Variants in PIAS3 observed in about 807,000 individuals in gnomAD.
PIAS3 encodes E3 SUMO-protein ligase PIAS3.
A neutral mutation model predicts 67.6 loss-of-function variants in PIAS3; 34 were observed. The observed-to-expected ratio is 0.50, with a 90% CI of 0.38 to 0.67. The LOEUF (loss-of-function observed/expected upper bound fraction) is 0.67. Among genes scored for constraint, PIAS3 ranks in the 30% least tolerant of loss-of-function variants. PIAS3 has a pLI of 0.00. For synonymous variants in PIAS3, 341 were observed against 313.8 expected (o/e 1.09, Z -0.92); for missense variants, 693 against 791.6 (o/e 0.88, Z 1.49).
chr1:145,858,619 C>G (rs1653288631), intron 1 of PIAS3, among the ~76,000 whole-genome samples: 1 of 150,818 alleles, frequency 6.6e-6, no homozygotes, highest in Non-Finnish European at 1.5e-5. Context: ...TGGCCTTGAT[C>G]GACTCGCCCC....
chr1:145,850,692 G>T (rs2101677963), intron 11 of PIAS3, 79 bp downstream of exon 11: 1 of 1,596,022 alleles, frequency 6.3e-7, no homozygotes, highest in South Asian at 1.1e-5. Flanking sequence ...CTTGCCCCAG[G>T]CTTTGTCCAA....
Position 145,849,332 on chromosome 1 carries a change from G to T in PIAS3, c.*114C>A. ...AGGCCAAAAGTAGGCATCTGTGAAG[G>T]TCTGTCTGGCCCTTGGCCAGAGCCC... is the stretch of plus-strand genomic sequence containing the variant. On this transcript the variant is annotated 3_prime_UTR_variant, in exon 14 of 14. Coordinates refer to ENST00000393045, the MANE Select transcript of PIAS3 (RefSeq NM_006099.3). 1 of 1,116,604 alleles carries T rather than the reference G, an allele frequency of 9.0e-7. No homozygotes were observed. The allele number at this position is 1,116,604 out of a possible 1,614,324, so 69.2% of individuals were successfully genotyped here.
chr1:145,851,423 A>G, intron 9 of PIAS3: 1 of 354,098 alleles, frequency 2.8e-6, no homozygotes, highest in Non-Finnish European at 5.2e-6. Context: ...TGGGAGGTAC[A>G]GGCAGGTGAA....
chr1:145,856,121 G>T lies in PIAS3; in HGVS notation c.528-3C>A. 6.2e-7 allele frequency: 1 copy of T among 1,613,082 alleles called. No individual in the cohort carries two copies. The highest frequency in any genetic ancestry group is 8.5e-7 in the Non-Finnish European group (1 of 1,179,040). On this transcript the variant is annotated splice_polypyrimidine_tract_variant and splice_region_variant and intron_variant, in intron 3 of 13. Transcript: ENST00000393045. The stretch of plus-strand genomic sequence containing the variant: ...ATTTGGCTCCTGGCAGAACCTCTCT[G>T]TAACAGGGAGGGAGATGAAGAGATG...
rs185601681 is a variant in PIAS3, at chr1:145,850,233, T to C, written c.1619A>G (p.Gln540Arg). ...CCTTCTGAAGAAAGAACCACTTACCTGACTCTCTGTCTGAAGAAATGAAAA... is the reference window on the plus strand; with the variant it reads ...CCTTCTGAAGAAAGAACCACTTACCCGACTCTCTGTCTGAAGAAATGAAAA... ...DLFSFLQTES[Q>R]HYGPSVITSL... The change falls in exon 13 of 14, where the codon CAG becomes CGG. Residue 540 changes from glutamine to arginine, a missense_variant and splice_region_variant. Gln to Arg is a conservative substitution (Grantham distance 43). Coordinates refer to ENST00000393045, the MANE Select transcript of PIAS3 (RefSeq NM_006099.3). 7 of 1,614,202 alleles carry C rather than the reference T, an allele frequency of 4.3e-6. No individual in the cohort carries two copies. The South Asian group carries it at 7.7e-5, about 18-fold the overall frequency.
At chr1:145,857,936 G>A (rs1294656325) in intron 1 of PIAS3, among the ~76,000 whole-genome samples, 2 of 152,154 alleles carry the variant, frequency 1.3e-5, no homozygotes, top group African/African-American at 2.4e-5. Context: ...GCACAGAATC[G>A]CAAATCCCCT....
At chr1:145,852,541 G>GTT (rs1183731941) in intron 9 of PIAS3, among the ~76,000 whole-genome samples, 1 of 144,874 alleles carries the variant, frequency 6.9e-6, no homozygotes. Context: ...ATCTCATAGG[G>GTT]TTTTTTTTTT....
At chr1:145,850,741 T>A in intron 11 of PIAS3, 30 bp downstream of exon 11, 1 of 1,612,178 alleles carries the variant, frequency 6.2e-7, no homozygotes, top group Non-Finnish European at 8.5e-7. Flanking sequence ...CCTGTCCGTT[T>A]TGCTGTAGAC....
rs782357530 is a variant in PIAS3 at position 145,855,758 on chromosome 1, T to C, written c.647A>G (p.Asn216Ser). ...TACCGGCAGGGGGCACAGTTTCCCATTGACCTTGACAAAGAGGTTGGGGGG... is the reference window on the plus strand; with the variant it reads ...TACCGGCAGGGGGCACAGTTTCCCACTGACCTTGACAAAGAGGTTGGGGGG... ...YFPPNLFVKVNGKLCPLPGYL... is the reference protein window; with the variant it reads ...YFPPNLFVKVSGKLCPLPGYL... Residue 216 changes from asparagine to serine, a missense_variant, in exon 5 of 14, where the codon AAT becomes AGT. Physicochemically the swap from Asn to Ser is conservative, Grantham distance 46. Transcript: ENST00000393045. 6.9e-6 allele frequency: 11 copies of C among 1,603,536 alleles called. No individual in the cohort carries two copies. Among genetic ancestry groups the C allele is most frequent in the Middle Eastern group, 1.6e-4 (1 of 6,068 alleles).
Position 145,853,631 on chromosome 1 carries a change from C to T in PIAS3, c.1018G>A (p.Ala340Thr). ...CTCTGCAGGTGGGCGCAGGTGAGGG[C>T]ACGACAAGGGACAGTCAGGCGCATC... ...GKMRLTVPCR[A>T]LTCAHLQSFD... Residue 340 changes from alanine to threonine, a missense_variant, in exon 9 of 14, where the codon GCC becomes ACC. By Grantham distance (58) the Ala-to-Thr change is moderately conservative. This residue lies in a region of PIAS3 where 115 missense variants were observed against 181.8 expected (regional missense o/e 0.63). Coordinates refer to ENST00000393045, the MANE Select transcript of PIAS3 (RefSeq NM_006099.3). The T allele has an allele frequency of 2.5e-6, 4 of 1,613,974 alleles. No homozygotes were observed. The highest frequency in any genetic ancestry group is 1.1e-5 in the South Asian group (1 of 91,072).
rs1653176716 is a variant in PIAS3 at position 145,856,245 on chromosome 1, A to G, written c.527+102T>C. ...AGAGACACACAGAAGAACAAGAGAC[A>G]AGTAGGTATAGGAGGAGGGATAGGG... On this transcript the variant is annotated intron_variant, in intron 3 of 13. Transcript: ENST00000393045. 3.2e-6 allele frequency: 4 copies of G among 1,239,122 alleles called. No homozygotes were observed. The South Asian group carries it at 4.8e-5, about 15-fold the overall frequency. 76.8% of individuals were successfully genotyped at this position (1,239,122 alleles called of 1,614,324 possible). A position where few individuals can be genotyped will look rare whatever the true frequency, so the allele number is the denominator to read the frequency against.
intron 10 of PIAS3, 22 bp from the exon 11 acceptor site, chr1:145,850,961 C>T (rs373722989): frequency 2.1e-5 from 34 of 1,613,936 alleles, no homozygotes; most frequent in Non-Finnish European, 2.5e-5. Context: ...AAGAAGACTA[C>T]GTCTCAGAGA....
At position 145,849,353 on chromosome 1, in the gene PIAS3, AG is replaced by A; in HGVS notation, c.*92del. ...GAAGGTCTGTCTGGCCCTTGGCCAG[AG>A]CCCCCAGAGGGATCAGAGTAGCTGG... On this transcript the variant is annotated 3_prime_UTR_variant, in exon 14 of 14. Coordinates refer to ENST00000393045, the MANE Select transcript of PIAS3 (RefSeq NM_006099.3). 1 of 1,312,456 alleles carries A rather than the reference AG, an allele frequency of 7.6e-7. No homozygotes were observed. The highest frequency in any genetic ancestry group is 9.9e-7 in the Non-Finnish European group (1 of 1,011,514). 81.3% of individuals were successfully genotyped at this position (1,312,456 alleles called of 1,614,324 possible). A position where few individuals can be genotyped will look rare whatever the true frequency, so the allele number is the denominator to read the frequency against.
chr1:145,857,842 C>T (rs185830683), intron 1 of PIAS3, among the ~76,000 whole-genome samples: 7 of 152,242 alleles, frequency 4.6e-5, no homozygotes, highest in South Asian at 4.1e-4. Context: ...CAACTTACAG[C>T]GCCCCCCTAT....
intron 5 of PIAS3, 89 bp downstream of exon 5, chr1:145,855,647 G>A: frequency 2.6e-6 from 2 of 757,732 alleles, no homozygotes; most frequent in South Asian, 1.7e-5. Flanking sequence ...CACTGTGCTA[G>A]GCATGTCTCT....
intron 9 of PIAS3, among the ~76,000 whole-genome samples, chr1:145,852,597 A>G (rs1266569625): frequency 1.7e-5 from 2 of 119,234 alleles, no homozygotes; most frequent in Non-Finnish European, 3.6e-5. Flanking sequence ...TCATAGGATT[A>G]TTTCTTTTTT....
At chr1:145,849,941 CTG>C in intron 13 of PIAS3, 1 of 1,423,986 alleles carries the variant, frequency 7.0e-7, no homozygotes, top group Non-Finnish European at 9.1e-7. Context: ...TTGTGGGCGT[CTG>C]AAATGTGTGG....
chr1:145,850,932 C>T lies in PIAS3; in HGVS notation c.1287G>A (p.Gln429=), dbSNP rs1327754314. 15 of 1,614,162 alleles carry T rather than the reference C, an allele frequency of 9.3e-6. No homozygotes were observed. The highest frequency in any genetic ancestry group is 1.3e-5 in the Non-Finnish European group (15 of 1,180,032). Residue 429 remains glutamine (Q), a synonymous_variant, in exon 11 of 14, where the codon CAG becomes CAA. Transcript: ENST00000393045. ...PPPGYGLDGL[Q]YSPVQGGDPS... ...GATCTCCCCCCTGGACTGGGCTGTACTGGAGGCCTGTGGGTATTAAGAAGA... is the reference window on the plus strand; with the variant it reads ...GATCTCCCCCCTGGACTGGGCTGTATTGGAGGCCTGTGGGTATTAAGAAGA...
At chr1:145,855,079 C>T (rs1266775340) in intron 5 of PIAS3, among the ~76,000 whole-genome samples, 199 bp from the exon 6 acceptor site, 1 of 152,126 alleles carries the variant, frequency 6.6e-6, no homozygotes, top group East Asian at 1.9e-4. Flanking sequence ...GGGGTTCACT[C>T]CTGGGGAGAA....
Sources: allele counts gnomAD v4.1 joint callset (sites outside exome capture counted in the v4.1 genomes callset), GRCh38; gene constraint gnomAD v4.1.1; regional missense constraint gnomAD v4.1.1; transcripts MANE v1.5; gene names NCBI Gene and HGNC (gene_info 2026-07-23, HGNC 2026-07-21).